DCBLD2: variants seen among roughly 807,000 people sequenced by gnomAD.
DCBLD2 encodes discoidin, CUB and LCCL domain containing 2.
DCBLD2 carries 54 observed loss-of-function variants against 86.8 expected under a neutral mutation model. That is an observed-to-expected ratio of 0.62 (90% CI 0.50 to 0.78). The LOEUF is 0.78. Ranked by LOEUF, DCBLD2 falls within the 30% of genes least tolerant of loss-of-function variation. The probability of loss-of-function intolerance (pLI) is 0.00; values close to 1 mark genes in which losing one functional copy is unlikely to be tolerated. For missense variants in DCBLD2, 908 were observed against 954.2 expected, an observed-to-expected ratio of 0.95 and a Z score of 0.64; for synonymous variants, 354 against 341.3, an observed-to-expected ratio of 1.04 and a Z score of -0.41.
intron 2 of DCBLD2, among the ~76,000 whole-genome samples, chr3:98,857,068 T>C (rs757433496): frequency 6.6e-6 from 1 of 152,204 alleles, no homozygotes; most frequent in Non-Finnish European, 1.5e-5. Context: ...CTTTCTGATG[T>C]TCGGATGTGT....
chr3:98,835,619 G>A (rs1378476926), intron 3 of DCBLD2, among the ~76,000 whole-genome samples: 4 of 145,498 alleles, frequency 2.7e-5, no homozygotes, highest in Non-Finnish European at 6.0e-5. Flanking sequence ...GTGCAATCTC[G>A]GCTCACTGCA....
At position 98,825,366 on chromosome 3, in the gene DCBLD2, T is replaced by C; in HGVS notation, c.572A>G (p.Asp191Gly). Residue 191 changes from aspartate to glycine, a missense_variant and splice_region_variant, in exon 4 of 16, where the codon GAT becomes GGT. Physicochemically the swap from Asp to Gly is moderately conservative, Grantham distance 94 (BLOSUM62 -1). Transcript: ENST00000326840. ...LASYSVIDKQ[D>G]LITCLDTASN... is the part of the protein sequence containing the mutation. ...TGCAGTGTCCAAACAAGTAATTAGA[T>C]CTAGAAAAACAAAAATAAAAAACTG... 2 of 1,542,434 alleles carry C rather than the reference T, an allele frequency of 1.3e-6. No individual in the cohort carries two copies. The highest frequency in any genetic ancestry group is 8.7e-7 in the Non-Finnish European group (1 of 1,149,810).
Position 98,864,739 on chromosome 3 carries a change from G to T in DCBLD2, c.434-15141C>A, listed in dbSNP as rs144960203. ...GGAGGGGGGAGAGAAAGCATTAGGA[G>T]ATATACCTAATGTAAATGACGAGTT... On this transcript the variant is annotated intron_variant, in intron 2 of 15. Transcript: ENST00000326840. Among the ~76,000 whole-genome samples the T allele has an allele frequency of 7.0e-3, 1,067 of 152,226 alleles. 8 individuals are homozygous for T. Among genetic ancestry groups the T allele is most frequent in the African/African-American group, 0.019 (797 of 41,516 alleles).
At chr3:98,830,229 C>T (rs1942295985) in intron 3 of DCBLD2, among the ~76,000 whole-genome samples, 1 of 152,164 alleles carries the variant, frequency 6.6e-6, no homozygotes, top group Non-Finnish European at 1.5e-5. Context: ...TGTACAGAAG[C>T]TCTTAATTTT....
chr3:98,831,085 G>T (rs367684086), intron 3 of DCBLD2, among the ~76,000 whole-genome samples: 6,238 of 139,532 alleles, frequency 0.045, 154 homozygotes, highest in Non-Finnish European at 0.064. Flanking sequence ...TTTTTTTTTT[G>T]AGATGGAGTC....
At chr3:98,817,071 A>G (rs1942035357) in intron 9 of DCBLD2, among the ~76,000 whole-genome samples, 1 of 152,156 alleles carries the variant, frequency 6.6e-6, no homozygotes. Flanking sequence ...CCAGCCCCAT[A>G]GTTTTGGTAC....
At chr3:98,848,935 C>T (rs770870874) in intron 3 of DCBLD2, among the ~76,000 whole-genome samples, 2 of 152,036 alleles carry the variant, frequency 1.3e-5, no homozygotes, top group African/African-American at 2.4e-5. Flanking sequence ...TTTGGGAGGC[C>T]GAGCCAGGCG....
At chr3:98,826,068 T>C (rs1036018139) in intron 3 of DCBLD2, among the ~76,000 whole-genome samples, 6 of 152,108 alleles carry the variant, frequency 3.9e-5, no homozygotes, top group Admixed American at 3.9e-4. Flanking sequence ...TTCTAAAATT[T>C]AACATTTTCT....
In DCBLD2 at chr3:98,901,313, G is replaced by C; in HGVS notation, c.14C>G (p.Ala5Gly). The C allele has an allele frequency of 1.4e-6, 2 of 1,419,152 alleles. No homozygotes were observed. The highest frequency in any genetic ancestry group is 1.5e-5 in the African/African-American group (1 of 66,198). 87.9% of individuals were successfully genotyped at this position (1,419,152 alleles called of 1,614,324 possible). Reference protein sequence around the residue: MASRAVVRARRCPQC... With the variant: MASRGVVRARRCPQC... ...CGGGCAGCGCCTGGCTCTCACCACCGCCCGGCTCGCCATCGCGGCGGCCGG... is the reference window on the plus strand; with the variant it reads ...CGGGCAGCGCCTGGCTCTCACCACCCCCCGGCTCGCCATCGCGGCGGCCGG... The change falls in exon 1 of 16, where the codon GCG (alanine) becomes GGG (glycine). Residue 5 changes from alanine to glycine, a missense_variant. Coordinates refer to ENST00000326840, the MANE Select transcript of DCBLD2 (RefSeq NM_080927.4).
chr3:98,881,571 A>G lies in DCBLD2; in HGVS notation c.402T>C (p.Tyr134=). The G allele has an allele frequency of 6.2e-7, 1 of 1,613,984 alleles. No individual in the cohort carries two copies. Among genetic ancestry groups the G allele is most frequent in the Non-Finnish European group, 8.5e-7 (1 of 1,179,882 alleles). The change falls in exon 2 of 16, where the codon TAT becomes TAC. Residue 134 remains tyrosine (Y), a synonymous_variant. Coordinates refer to ENST00000326840, the MANE Select transcript of DCBLD2 (RefSeq NM_080927.4). ...DSCHFNYLRI[Y]NGIGVSRTEI... is the part of the protein sequence containing the mutation. ...CAGTTCTGCTGACTCCAATTCCATTATAAATTCTCAAGTAATTAAAGTGAC... is the reference window on the plus strand; with the variant it reads ...CAGTTCTGCTGACTCCAATTCCATTGTAAATTCTCAAGTAATTAAAGTGAC...
In DCBLD2 at chr3:98,796,887, A is replaced by T. The variant is rs929339394; in HGVS notation, c.*2485T>A. 6.6e-6 allele frequency: 1 copy of T among 152,602 alleles called. No individual in the cohort carries two copies. Among genetic ancestry groups the T allele is most frequent in the Non-Finnish European group, 1.5e-5 (1 of 68,030 alleles). 9.5% of individuals were successfully genotyped at this position (152,602 alleles called of 1,614,324 possible). On this transcript the variant is annotated 3_prime_UTR_variant, in exon 16 of 16. Transcript: ENST00000326840. ...TAATTGCATTAACAGGAAAAAACTT[A>T]ATCCAATATACCAGTGACTTTGAGT...
intron 13 of DCBLD2, among the ~76,000 whole-genome samples, chr3:98,806,089 G>A (rs372424427): frequency 2.6e-5 from 4 of 152,204 alleles, no homozygotes; most frequent in African/African-American, 4.8e-5. Flanking sequence ...TGCCTGCTTC[G>A]TAGATTGTTT....
chr3:98,870,507 C>A (rs1943240867), intron 2 of DCBLD2, among the ~76,000 whole-genome samples: 1 of 151,592 alleles, frequency 6.6e-6, no homozygotes, highest in Non-Finnish European at 1.5e-5. Context: ...ATGGCACACA[C>A]CTGTAGTTCC....
At chr3:98,804,955 T>C (rs1941803024) in intron 13 of DCBLD2, 1 of 152,354 alleles carries the variant, frequency 6.6e-6, no homozygotes, top group Non-Finnish European at 1.5e-5. Flanking sequence ...ATGAGTGCTT[T>C]ACTTTCAACT....
At chr3:98,851,404 A>T (rs1038511060) in intron 2 of DCBLD2, among the ~76,000 whole-genome samples, 1 of 152,230 alleles carries the variant, frequency 6.6e-6, no homozygotes, top group African/African-American at 2.4e-5. Flanking sequence ...GGACCTCTTC[A>T]AGGAGAACTA....
chr3:98,862,421 G>C (rs908041752), intron 2 of DCBLD2, among the ~76,000 whole-genome samples: 1 of 152,154 alleles, frequency 6.6e-6, no homozygotes, highest in Non-Finnish European at 1.5e-5. Flanking sequence ...AACAAAAAAA[G>C]AGAATTTTAG....
chr3:98,855,253 C>T (rs934522857), intron 2 of DCBLD2, among the ~76,000 whole-genome samples: 2 of 152,270 alleles, frequency 1.3e-5, no homozygotes, highest in East Asian at 1.9e-4. Flanking sequence ...GTATCATCAG[C>T]TATCAAGGAA....
chr3:98,843,718 T>C (rs998515240), intron 3 of DCBLD2, among the ~76,000 whole-genome samples: 2 of 152,168 alleles, frequency 1.3e-5, no homozygotes, highest in African/African-American at 2.4e-5. Context: ...TCTTGTTAAA[T>C]GGGAATATTT....
chr3:98,885,167 C>T (rs748559312), intron 1 of DCBLD2, among the ~76,000 whole-genome samples: 1 of 151,930 alleles, frequency 6.6e-6, no homozygotes, highest in Non-Finnish European at 1.5e-5. Context: ...AGTAACGTGC[C>T]AAGAATGTTC....
Sources: gnomAD v4.1 joint callset for allele counts (sites outside exome capture counted in the v4.1 genomes callset) on GRCh38, gnomAD v4.1.1 for gene constraint, MANE v1.5 for transcripts, NCBI Gene and HGNC (gene_info 2026-07-23, HGNC 2026-07-21) for gene names.